MPPED2: variants seen among roughly 807,000 people sequenced by gnomAD.
MPPED2 encodes the protein metallophosphoesterase domain containing 2.
MPPED2 carries 5 observed loss-of-function variants against 33.0 expected under a neutral mutation model. That is an observed-to-expected ratio of 0.15 (90% CI 0.08 to 0.32). The LOEUF is 0.32. MPPED2 is among the 10% of genes least tolerant of loss of function. The pLI, the probability that MPPED2 is intolerant of heterozygous loss-of-function variation, is 1.00. For missense variants in MPPED2, 275 were observed against 372.1 expected (o/e 0.74, Z 2.15); for synonymous variants, 136 against 141.9 (o/e 0.96, Z 0.29).
At chr11:30,519,337 C>T (rs1365208347) in intron 3 of MPPED2, among the ~76,000 whole-genome samples, 1 of 151,740 alleles carries the variant, frequency 6.6e-6, no homozygotes, top group Non-Finnish European at 1.5e-5. Context: ...GGTGTGTATA[C>T]ATGAATATGT....
At chr11:30,549,049 T>C (rs11031135) in intron 2 of MPPED2, among the ~76,000 whole-genome samples, 33,979 of 151,870 alleles carry the variant, frequency 0.22, 4,872 homozygotes, top group Non-Finnish European at 0.32. Flanking sequence ...CTAAACTTTA[T>C]AAGCAACAAA....
chr11:30,486,537 G>A (rs959718908), intron 4 of MPPED2, among the ~76,000 whole-genome samples: 1 of 152,154 alleles, frequency 6.6e-6, no homozygotes, highest in African/African-American at 2.4e-5. Flanking sequence ...GCCTTGAAGC[G>A]ACGGTCTCTG....
intron 4 of MPPED2, chr11:30,451,721 A>T (rs1950072516): frequency 1.0e-6 from 1 of 977,754 alleles, no homozygotes; most frequent in African/African-American, 1.8e-5. Flanking sequence ...TTTTGAAAGA[A>T]TACAACTGTT....
At chr11:30,420,181 G>A (rs1948549301) in intron 4 of MPPED2, among the ~76,000 whole-genome samples, 1 of 152,172 alleles carries the variant, frequency 6.6e-6, no homozygotes, top group African/African-American at 2.4e-5. Flanking sequence ...GGTCGGCCCA[G>A]TGTAACCCCA....
At chr11:30,575,839 C>G (rs978882608) in intron 2 of MPPED2, among the ~76,000 whole-genome samples, 1 of 152,132 alleles carries the variant, frequency 6.6e-6, no homozygotes, top group Admixed American at 6.5e-5. Flanking sequence ...TGTTTATAAT[C>G]TTGAAAGGCA....
chr11:30,474,103 T>G (rs1267934684), intron 4 of MPPED2, among the ~76,000 whole-genome samples: 1 of 152,226 alleles, frequency 6.6e-6, no homozygotes, highest in Non-Finnish European at 1.5e-5. Context: ...TGGTGAATTT[T>G]TTACATAGCT....
intron 4 of MPPED2, among the ~76,000 whole-genome samples, chr11:30,420,344 G>A (rs187140645): frequency 6.6e-5 from 10 of 152,262 alleles, no homozygotes; most frequent in South Asian, 6.2e-4. Flanking sequence ...GAAAAGTTAC[G>A]AAAAACCCAG....
intron 6 of MPPED2, among the ~76,000 whole-genome samples, chr11:30,395,498 C>T (rs1947828638): frequency 6.6e-6 from 1 of 152,058 alleles, no homozygotes; most frequent in African/African-American, 2.4e-5. Flanking sequence ...ATGGAGTAGA[C>T]CTAAGAATAC....
chr11:30,577,625 A>C (rs1956985582), intron 2 of MPPED2, among the ~76,000 whole-genome samples: 1 of 152,344 alleles, frequency 6.6e-6, no homozygotes, highest in South Asian at 2.1e-4. Flanking sequence ...TTCTTAACAT[A>C]ACAGAAATAT....
chr11:30,548,053 C>T (rs897507310), intron 2 of MPPED2, among the ~76,000 whole-genome samples: 1 of 152,202 alleles, frequency 6.6e-6, no homozygotes, highest in Admixed American at 6.5e-5. Context: ...CTTACAGAAT[C>T]CACAAGACCT....
chr11:30,434,911 T>C (rs191472158), intron 4 of MPPED2, among the ~76,000 whole-genome samples: 5 of 152,178 alleles, frequency 3.3e-5, no homozygotes, highest in Admixed American at 3.3e-4. Context: ...GTTTAATCAC[T>C]CGATTAGGGT....
intron 6 of MPPED2, among the ~76,000 whole-genome samples, chr11:30,399,455 A>G (rs952133630): frequency 1.4e-4 from 21 of 152,200 alleles, no homozygotes; most frequent in African/African-American, 5.1e-4. Context: ...AATCCTTTAA[A>G]TTGGTATTTT....
At chr11:30,456,682 G>C (rs1329712252) in intron 4 of MPPED2, among the ~76,000 whole-genome samples, 2 of 152,082 alleles carry the variant, frequency 1.3e-5, no homozygotes, top group African/African-American at 4.8e-5. Context: ...AATAGAAAGA[G>C]GACTAAAAAG....
chr11:30,403,440 T>C (rs973985180), intron 6 of MPPED2, among the ~76,000 whole-genome samples: 1 of 152,202 alleles, frequency 6.6e-6, no homozygotes, highest in Non-Finnish European at 1.5e-5. Context: ...GTGATGAGTA[T>C]TGTTATTTTT....
intron 4 of MPPED2, among the ~76,000 whole-genome samples, chr11:30,432,988 C>T (rs1289359689): frequency 1.3e-5 from 2 of 152,178 alleles, no homozygotes; most frequent in Non-Finnish European, 2.9e-5. Context: ...TGATACTAGG[C>T]ACATGTTTCT....
intron 4 of MPPED2, among the ~76,000 whole-genome samples, chr11:30,492,907 A>T (rs536604606): frequency 6.6e-6 from 1 of 152,194 alleles, no homozygotes; most frequent in African/African-American, 2.4e-5. Flanking sequence ...TATCTGCCAA[A>T]TGAGAATCAT....
intron 2 of MPPED2, among the ~76,000 whole-genome samples, chr11:30,579,591 T>G (rs1957077587): frequency 6.6e-6 from 1 of 152,080 alleles, no homozygotes; most frequent in African/African-American, 2.4e-5. Context: ...CCTTAAACAG[T>G]TTAAACCTCA....
intron 4 of MPPED2, among the ~76,000 whole-genome samples, chr11:30,473,576 C>T (rs575062639): frequency 3.5e-4 from 53 of 152,210 alleles, no homozygotes; most frequent in African/African-American, 1.2e-3. Flanking sequence ...GGTATTCATG[C>T]CCATATGTAA....
At chr11:30,479,077 G>A (rs1055390256) in intron 4 of MPPED2, among the ~76,000 whole-genome samples, 4 of 152,194 alleles carry the variant, frequency 2.6e-5, no homozygotes, top group East Asian at 1.9e-4. Context: ...CAGAGGGCCT[G>A]GACAAGAAGC....
Sources: gnomAD v4.1 joint callset for allele counts (sites outside exome capture counted in the v4.1 genomes callset) on GRCh38, gnomAD v4.1.1 for gene constraint, MANE v1.5 for transcripts, NCBI Gene and HGNC (gene_info 2026-07-23, HGNC 2026-07-21) for gene names.